The following DIS3L2 variants were observed in gnomAD, a reference collection of about 807,000 sequenced individuals.
DIS3L2 encodes DIS3-like exonuclease 2.
DIS3L2 carries 34 observed loss-of-function variants against 97.5 expected under a neutral mutation model. The observed-to-expected ratio is 0.35, with a 90% CI of 0.27 to 0.46. The LOEUF (loss-of-function observed/expected upper bound fraction) is 0.46. Among genes scored for constraint, DIS3L2 ranks in the 20% least tolerant of loss-of-function variants. DIS3L2 has a pLI of 1.00. For missense variants in DIS3L2, 1,038 were observed against 1,146.0 expected, an observed-to-expected ratio of 0.91 and a Z score of 1.36; for synonymous variants, 435 against 445.2, an observed-to-expected ratio of 0.98 and a Z score of 0.29.
chr2:232,228,164 C>G (rs1360467240), intron 10 of DIS3L2, among the ~76,000 whole-genome samples: 1 of 152,142 alleles, frequency 6.6e-6, no homozygotes, highest in African/African-American at 2.4e-5. Context: ...TGGGGTTTCT[C>G]TATGTTGGTC....
intron 9 of DIS3L2, among the ~76,000 whole-genome samples, chr2:232,182,528 A>G (rs1330270527): frequency 6.6e-6 from 1 of 152,050 alleles, no homozygotes; most frequent in African/African-American, 2.4e-5. Context: ...ATTGATATAT[A>G]TTACAGTTGA....
intron 1 of DIS3L2, among the ~76,000 whole-genome samples, chr2:232,011,575 A>C (rs1694201832): frequency 1.3e-5 from 2 of 151,832 alleles, no homozygotes; most frequent in African/African-American, 4.8e-5. Context: ...CTGGTCTCGA[A>C]CTCCCGAACA....
intron 8 of DIS3L2, among the ~76,000 whole-genome samples, chr2:232,145,351 C>T (rs1690188915): frequency 6.6e-6 from 1 of 152,130 alleles, no homozygotes; most frequent in Non-Finnish European, 1.5e-5. Flanking sequence ...AATTTTTATA[C>T]ATTATCCTAT....
chr2:232,136,454 T>C lies in DIS3L2; in HGVS notation c.703-18T>C. 6.2e-7 allele frequency: 1 copy of C among 1,613,102 alleles called. No homozygotes were observed. Among genetic ancestry groups the C allele is most frequent in the Non-Finnish European group, 8.5e-7 (1 of 1,179,322 alleles). On this transcript the variant is annotated intron_variant, in intron 7 of 20. Transcript: ENST00000325385. ...TTCTGCAGATAAACAACATTGACTATATCTTTGGTGTTTTTAGGTGGTTTA... is the reference window on the plus strand; with the variant it reads ...TTCTGCAGATAAACAACATTGACTACATCTTTGGTGTTTTTAGGTGGTTTA...
At chr2:232,085,284 C>G (rs750682092) in intron 5 of DIS3L2, among the ~76,000 whole-genome samples, 2 of 152,108 alleles carry the variant, frequency 1.3e-5, no homozygotes, top group Non-Finnish European at 2.9e-5. Context: ...TCTCACTAGT[C>G]GACTTTTGAT....
At chr2:232,335,118 C>T (rs1695897665) in intron 19 of DIS3L2, 1 of 216,922 alleles carries the variant, frequency 4.6e-6, no homozygotes, top group East Asian at 1.2e-4. Context: ...CCTGGCTCGG[C>T]TCCTGCCCTG....
intron 13 of DIS3L2, among the ~76,000 whole-genome samples, chr2:232,275,191 C>T (rs937318321): frequency 6.6e-6 from 1 of 152,208 alleles, no homozygotes; most frequent in East Asian, 1.9e-4. Context: ...CCCCATTCCC[C>T]ATCTCTCCCC....
At chr2:232,338,491 G>C (rs561735160), downstream of DIS3L2, among the ~76,000 whole-genome samples, 38 of 152,192 alleles carry the variant, frequency 2.5e-4, 1 homozygote, top group South Asian at 7.9e-3. Context: ...GAGCTGTGGA[G>C]GCCATGGCAG....
At chr2:231,996,502 A>T (rs1049610438) in intron 1 of DIS3L2, among the ~76,000 whole-genome samples, 2 of 152,240 alleles carry the variant, frequency 1.3e-5, no homozygotes, top group African/African-American at 4.8e-5. Flanking sequence ...CAGTTTTAAC[A>T]TGAAGCCTCT....
chr2:232,097,837 C>T (rs892370112), intron 6 of DIS3L2, among the ~76,000 whole-genome samples: 5 of 152,136 alleles, frequency 3.3e-5, no homozygotes, highest in African/African-American at 1.2e-4. Flanking sequence ...GCGATAGCCA[C>T]CACAGCTGAG....
chr2:232,204,151 T>G (rs1231152574), intron 9 of DIS3L2, among the ~76,000 whole-genome samples: 1 of 152,116 alleles, frequency 6.6e-6, no homozygotes, highest in Non-Finnish European at 1.5e-5. Flanking sequence ...GTAGGGGCCA[T>G]GACCAAAATC....
chr2:232,261,281 C>G (rs537583745), intron 12 of DIS3L2, among the ~76,000 whole-genome samples: 1 of 152,236 alleles, frequency 6.6e-6, no homozygotes, highest in African/African-American at 2.4e-5. Context: ...GCCCAAGATC[C>G]CTTTTGTTCT....
chr2:232,293,117 C>A lies in DIS3L2; in HGVS notation c.1660-6923C>A, dbSNP rs192840100. 5.9e-5 allele frequency among the ~76,000 whole-genome samples: 9 copies of A among 152,190 alleles called. No homozygotes were observed. The highest frequency in any genetic ancestry group is 4.6e-4 in the Admixed American group (7 of 15,288). On this transcript the variant is annotated intron_variant, in intron 13 of 20. Transcript: ENST00000325385. The surrounding 1 kb of genome is among the most constrained non-coding windows in gnomAD (Gnocchi z 4.6). ...CCAGAGCGCTGCTGCTGCCTGGTTCCTTGCCGTGCCTGATAGCTAGGAAGT... is the reference window on the plus strand; with the variant it reads ...CCAGAGCGCTGCTGCTGCCTGGTTCATTGCCGTGCCTGATAGCTAGGAAGT...
chr2:232,034,322 T>C (rs1694893178), intron 5 of DIS3L2, among the ~76,000 whole-genome samples: 1 of 152,202 alleles, frequency 6.6e-6, no homozygotes, highest in Admixed American at 6.5e-5. Context: ...CTCCCCTTTA[T>C]CATTTTCTAA....
intron 13 of DIS3L2, among the ~76,000 whole-genome samples, chr2:232,282,990 C>G (rs999867928): frequency 6.6e-6 from 1 of 152,292 alleles, no homozygotes; most frequent in South Asian, 2.1e-4. Flanking sequence ...AACCTGGGGT[C>G]ATTTAAGGGC....
chr2:232,255,210 G>A (rs1693527868), intron 12 of DIS3L2, among the ~76,000 whole-genome samples: 1 of 152,238 alleles, frequency 6.6e-6, no homozygotes, highest in Non-Finnish European at 1.5e-5. Flanking sequence ...CAAGAACCCA[G>A]TGATGAAGAG....
chr2:232,225,438 G>T (rs1001291458), intron 10 of DIS3L2, among the ~76,000 whole-genome samples: 1 of 152,096 alleles, frequency 6.6e-6, no homozygotes, highest in African/African-American at 2.4e-5. Flanking sequence ...TATCAAAAAC[G>T]CTGTGTTGAG....
intron 6 of DIS3L2, among the ~76,000 whole-genome samples, chr2:232,116,465 T>C (rs761867265): frequency 6.6e-6 from 1 of 152,196 alleles, no homozygotes; most frequent in Non-Finnish European, 1.5e-5. Context: ...TGCCTACAAG[T>C]TCATCCTACT....
intron 10 of DIS3L2, among the ~76,000 whole-genome samples, chr2:232,217,363 T>C (rs1255136378): frequency 6.6e-6 from 1 of 152,240 alleles, no homozygotes; most frequent in African/African-American, 2.4e-5. Context: ...AAGACTGCTA[T>C]GACCAAATAC....
Sources: allele counts gnomAD v4.1 joint callset (sites outside exome capture counted in the v4.1 genomes callset), GRCh38; gene constraint gnomAD v4.1.1; non-coding constraint Gnocchi (gnomAD v3.1); transcripts MANE v1.5; gene names NCBI Gene and HGNC (gene_info 2026-07-23, HGNC 2026-07-21).